Variants in MED27 observed in about 807,000 individuals in gnomAD.
MED27 encodes mediator of RNA polymerase II transcription subunit 27.
In MED27, 30 loss-of-function variants were observed where a neutral mutation model predicts 38.2. The ratio of observed to expected loss-of-function variants is 0.79; its 90% CI spans 0.59 to 1.07. The LOEUF (loss-of-function observed/expected upper bound fraction) is 1.07, where lower values mean the gene tolerates loss of function less well. Ranked by LOEUF, MED27 falls within the 50% of genes least tolerant of loss-of-function variation. The probability of loss-of-function intolerance (pLI) is 0.00; values close to 1 mark genes in which losing one functional copy is unlikely to be tolerated. For missense variants in MED27, 289 were observed against 397.5 expected (o/e 0.73, Z 2.32); for synonymous variants, 122 against 153.5 (o/e 0.79, Z 1.52).
intron 4 of MED27, among the ~76,000 whole-genome samples, chr9:131,937,119 C>T (rs1222738246): frequency 3.9e-5 from 6 of 152,304 alleles, no homozygotes; most frequent in African/African-American, 1.4e-4. Flanking sequence ...TGCTCCCCCT[C>T]CAGGTAGGAA....
intron 4 of MED27, among the ~76,000 whole-genome samples, chr9:131,901,773 G>T (rs1463945024): frequency 2.0e-5 from 3 of 152,142 alleles, no homozygotes; most frequent in African/African-American, 7.2e-5. Flanking sequence ...ATATCATGCA[G>T]ATTTACCCCT....
chr9:132,019,900 C>A (rs575491078), intron 2 of MED27, among the ~76,000 whole-genome samples: 38 of 152,354 alleles, frequency 2.5e-4, no homozygotes, highest in African/African-American at 7.9e-4. Flanking sequence ...CATGATAGAA[C>A]TCTTCACTCT....
At chr9:131,980,521 G>A (rs1320818078) in intron 3 of MED27, among the ~76,000 whole-genome samples, 6 of 152,056 alleles carry the variant, frequency 3.9e-5, no homozygotes, top group African/African-American at 1.4e-4. Flanking sequence ...AAAACAAATG[G>A]GACCTTAGGG....
At chr9:132,039,387 G>C (rs1047882966) in intron 2 of MED27, among the ~76,000 whole-genome samples, 1 of 152,104 alleles carries the variant, frequency 6.6e-6, no homozygotes, top group Non-Finnish European at 1.5e-5. Context: ...TAGTACACAC[G>C]CCTCCAGGCT....
chr9:131,895,015 C>T (rs910229300), intron 4 of MED27, among the ~76,000 whole-genome samples: 26 of 152,086 alleles, frequency 1.7e-4, no homozygotes, highest in Non-Finnish European at 2.5e-4. Flanking sequence ...CACCATGTTG[C>T]GATGTTTGTG....
intron 4 of MED27, among the ~76,000 whole-genome samples, chr9:131,925,598 A>T (rs763763231): frequency 2.6e-5 from 4 of 152,250 alleles, no homozygotes; most frequent in African/African-American, 7.2e-5. Context: ...TAAAAAACAC[A>T]AAATGTTCAG....
chr9:131,969,973 G>T (rs562828558), intron 3 of MED27, among the ~76,000 whole-genome samples: 12 of 152,182 alleles, frequency 7.9e-5, no homozygotes, highest in African/African-American at 2.4e-4. Context: ...GGCTGGGGGG[G>T]GGTGGGGGCA....
chr9:131,969,795 A>G (rs1831435922), intron 3 of MED27, among the ~76,000 whole-genome samples: 1 of 152,228 alleles, frequency 6.6e-6, no homozygotes, highest in Non-Finnish European at 1.5e-5. Context: ...TGATGGAGCC[A>G]GCATAATTTT....
At chr9:131,948,478 G>A (rs1320403519) in intron 3 of MED27, among the ~76,000 whole-genome samples, 7 of 144,640 alleles carry the variant, frequency 4.8e-5, no homozygotes, top group Non-Finnish European at 7.5e-5. Flanking sequence ...TAGACACTCC[G>A]TCTCAAAAAA....
At chr9:131,921,971 A>G (rs868352296) in intron 4 of MED27, among the ~76,000 whole-genome samples, 2 of 145,730 alleles carry the variant, frequency 1.4e-5, no homozygotes, top group Non-Finnish European at 3.0e-5. Flanking sequence ...GGAACTGAAT[A>G]ATGAGAACAC....
intron 3 of MED27, among the ~76,000 whole-genome samples, chr9:131,996,072 G>A (rs1167552099): frequency 1.3e-5 from 2 of 152,158 alleles, no homozygotes; most frequent in East Asian, 3.9e-4. Flanking sequence ...GGAATAGCAG[G>A]GATCTCACTG....
At chr9:132,044,499 G>C (rs1021758784) in intron 2 of MED27, among the ~76,000 whole-genome samples, 1 of 152,212 alleles carries the variant, frequency 6.6e-6, no homozygotes, top group Non-Finnish European at 1.5e-5. Flanking sequence ...CTGTCCTAAG[G>C]GGCAACACGA....
intron 2 of MED27, among the ~76,000 whole-genome samples, chr9:132,033,524 G>A (rs1278594308): frequency 2.6e-5 from 4 of 152,110 alleles, no homozygotes; most frequent in Non-Finnish European, 4.4e-5. Flanking sequence ...CCCCTAAAAA[G>A]GGCAAGAAAA....
intron 2 of MED27, among the ~76,000 whole-genome samples, chr9:132,053,442 C>T (rs546013637): frequency 3.3e-5 from 5 of 151,970 alleles, no homozygotes; most frequent in Non-Finnish European, 7.4e-5. Context: ...AAATGCTTAC[C>T]TCTTGTAACA....
At chr9:132,049,579 C>T (rs1033921976) in intron 2 of MED27, among the ~76,000 whole-genome samples, 5 of 152,142 alleles carry the variant, frequency 3.3e-5, no homozygotes, top group African/African-American at 1.2e-4. Context: ...CTCTAAGGGA[C>T]AGGCTGGCAA....
chr9:131,951,302 T>C (rs755121249), intron 3 of MED27, among the ~76,000 whole-genome samples: 46 of 152,186 alleles, frequency 3.0e-4, no homozygotes, highest in Non-Finnish European at 6.0e-4. Flanking sequence ...ACAGTCTATC[T>C]CACACATGTG....
intron 4 of MED27, among the ~76,000 whole-genome samples, chr9:131,908,705 C>T (rs1430081752): frequency 2.0e-5 from 3 of 152,080 alleles, no homozygotes; most frequent in Non-Finnish European, 4.4e-5. Context: ...CATCACCACT[C>T]CCTAATCTCA....
chr9:132,049,841 C>T (rs1381279261), intron 2 of MED27, among the ~76,000 whole-genome samples: 1 of 151,920 alleles, frequency 6.6e-6, no homozygotes, highest in Non-Finnish European at 1.5e-5. Context: ...GAAAAGACTG[C>T]CAAAGAGAAA....
chr9:131,929,155 T>C lies in MED27; in HGVS notation c.573+10226A>G, dbSNP rs545575007. Reference sequence around the variant, plus strand: ...TGCTCCCTTGAAGGGATGGACCTAGTCCTGGCAGGATCCATCACCTGCTGA... The same window carrying C: ...TGCTCCCTTGAAGGGATGGACCTAGCCCTGGCAGGATCCATCACCTGCTGA... On this transcript the variant is annotated intron_variant, in intron 4 of 7. Transcript: ENST00000292035. Among the ~76,000 whole-genome samples, 8 of 152,280 alleles carry C rather than the reference T, an allele frequency of 5.3e-5. No individual in the cohort carries two copies. In the South Asian group the frequency reaches 1.7e-3, roughly 32 times the overall value.
Sources: gnomAD v4.1 joint callset for allele counts (sites outside exome capture counted in the v4.1 genomes callset) on GRCh38, gnomAD v4.1.1 for gene constraint, MANE v1.5 for transcripts, NCBI Gene and HGNC (gene_info 2026-07-23, HGNC 2026-07-21) for gene names.